Variants in KIF3C observed in about 807,000 individuals in gnomAD.
The protein encoded by KIF3C is kinesin family member 3C.
Under a neutral mutation model 67.7 loss-of-function variants are expected in KIF3C, and 12 were observed. The ratio of observed to expected loss-of-function variants is 0.18; its 90% confidence interval spans 0.11 to 0.29. The LOEUF (loss-of-function observed/expected upper bound fraction) is 0.29, where lower values mean the gene tolerates loss of function less well. Among genes scored for constraint, KIF3C ranks in the 10% least tolerant of loss-of-function variants. KIF3C has a pLI of 1.00. For missense variants in KIF3C, 789 were observed against 1,059.6 expected (o/e 0.74, Z 3.55); for synonymous variants, 393 against 426.2 (o/e 0.92, Z 0.96).
At position 25,980,699 on chromosome 2, in the gene KIF3C, T is replaced by G. The variant is rs1336862175; in HGVS notation, c.1219A>C (p.Lys407Gln). 7 of 1,614,098 alleles carry G rather than the reference T, an allele frequency of 4.3e-6. No individual in the cohort carries two copies. Among genetic ancestry groups the G allele is most frequent in the Non-Finnish European group, 5.9e-6 (7 of 1,180,022 alleles). ...RGMLGKRPRR[K>Q]SSRRKKAVSA... ...ACGGCCTTCTTCCTGCGGCTGCTCT[T>G]CCTCCGGGGCCGCTTCCCCAGCATC... is the stretch of plus-strand genomic sequence containing the variant. The change falls in exon 1 of 8, where the codon AAG (lysine) becomes CAG (glutamine). Residue 407 changes from lysine (K) to glutamine (Q), a missense_variant. Physicochemically the swap from Lys to Gln is moderately conservative, Grantham distance 53. Around this residue, in one of 2 missense-constraint regions of KIF3C, gnomAD observed 648 missense variants for 807.8 expected, o/e 0.80. Coordinates refer to ENST00000264712, the MANE Select transcript of KIF3C (RefSeq NM_002254.8). This position sits in a 1 kb window ranked among gnomAD's most constrained non-coding sequence, Gnocchi z 7.6.
chr2:25,930,129 G>T, intron 5 of KIF3C, 66 bp from the exon 6 acceptor site: 1 of 1,291,742 alleles, frequency 7.7e-7, no homozygotes, highest in Non-Finnish European at 1.1e-6. Context: ...ACATCATGAG[G>T]ACCTAAATAT....
intron 1 of KIF3C, among the ~76,000 whole-genome samples, chr2:25,956,991 G>A (rs1329886440): frequency 1.3e-5 from 2 of 152,214 alleles, no homozygotes; most frequent in African/African-American, 2.4e-5. Context: ...AGCACAGCAG[G>A]AGCTTTGGAG....
At chr2:25,938,953 CT>C (rs1663213389) in intron 5 of KIF3C, among the ~76,000 whole-genome samples, 1 of 152,040 alleles carries the variant, frequency 6.6e-6, no homozygotes, top group African/African-American at 2.4e-5. Context: ...TCTTTCCTGG[CT>C]GTTTGATCAC....
intron 4 of KIF3C, among the ~76,000 whole-genome samples, chr2:25,953,961 C>T (rs1303345365): frequency 2.0e-5 from 3 of 152,314 alleles, no homozygotes; most frequent in Non-Finnish European, 4.4e-5. Context: ...GCCACTGCGC[C>T]CGGCCCTAAA....
chr2:25,955,716 G>C lies in KIF3C; in HGVS notation c.1648-53C>G. The C allele has an allele frequency of 1.2e-6, 2 of 1,601,886 alleles. No homozygotes were observed. Among genetic ancestry groups the C allele is most frequent in the Non-Finnish European group, 1.7e-6 (2 of 1,171,844 alleles). ...AAAGGAGCAGTGCATACTCGGGAGG[G>C]CCAGGAAAGCTCAGGGGACTGGCTC... On this transcript the variant is annotated intron_variant, in intron 2 of 7. Transcript: ENST00000264712. The surrounding 1 kb of genome is among the most constrained non-coding windows in gnomAD (Gnocchi z 5.0).
chr2:25,981,693 G>A lies in KIF3C; in HGVS notation c.225C>T (p.Asp75=), dbSNP rs1168449969. The change falls in exon 1 of 8, where the codon GAC becomes GAT. Residue 75 remains aspartate, a synonymous_variant. Coordinates refer to ENST00000264712, the MANE Select transcript of KIF3C (RefSeq NM_002254.8). This position sits in a 1 kb window ranked among gnomAD's most constrained non-coding sequence, Gnocchi z 8.2. ...AGTCTATCAGGGGCCTCACGGTTTC[G>A]TCATACAGGTCGGCCTGCTTGGAGC... ...DASSKQADLY[D]ETVRPLIDSV... The A allele has an allele frequency of 6.2e-7, 1 of 1,613,958 alleles. No individual in the cohort carries two copies. Among genetic ancestry groups the A allele is most frequent in the South Asian group, 1.1e-5 (1 of 91,070 alleles).
intron 4 of KIF3C, among the ~76,000 whole-genome samples, chr2:25,953,674 T>TG (rs1663713451): frequency 1.1e-5 from 1 of 93,608 alleles, no homozygotes; most frequent in African/African-American, 5.0e-5. Flanking sequence ...TTGTTTTTGT[T>TG]TTTTTTTTTT....
chr2:25,938,420 A>C (rs1308135746), intron 5 of KIF3C: 5 of 367,122 alleles, frequency 1.4e-5, no homozygotes, highest in Non-Finnish European at 2.7e-5. Context: ...TCTATGCCAC[A>C]GGGTGGGGGT....
At position 25,981,075 on chromosome 2, in the gene KIF3C, A is replaced by G; in HGVS notation, c.843T>C (p.Gly281=). 4 of 1,614,024 alleles carry G rather than the reference A, an allele frequency of 2.5e-6. No individual in the cohort carries two copies. The highest frequency in any genetic ancestry group is 3.4e-6 in the Non-Finnish European group (4 of 1,179,978). Residue 281 remains glycine (G), a synonymous_variant, in exon 1 of 8, where the codon GGT becomes GGC. Coordinates refer to ENST00000264712, the MANE Select transcript of KIF3C (RefSeq NM_002254.8). The surrounding 1 kb of genome is among the most constrained non-coding windows in gnomAD (Gnocchi z 8.2). ...CTTCCTTAGGCCTCTCTCCACCAGC[A>G]CCACCACCACTGCCTCCACCGCCAC... ...GGGGGGGSGG[G]AGGERPKEAS...
chr2:25,942,414 A>AG lies in KIF3C; in HGVS notation c.2006+9374_2006+9375insC, dbSNP rs938924820. On this transcript the variant is annotated intron_variant, in intron 5 of 7. Transcript: ENST00000264712. ...ATTGCTAGACCTAGTTGCAAAAAAA[A>AG]ATTTTTTTTTTTTGAGATGGAGTTT... is the stretch of plus-strand genomic sequence containing the variant. 3.3e-3 allele frequency among the ~76,000 whole-genome samples: 502 copies of AG among 150,822 alleles called. 2 individuals are homozygous for AG. Among genetic ancestry groups the AG allele is most frequent in the African/African-American group, 0.012 (482 of 41,106 alleles).
At chr2:25,964,387 C>T (rs1388311070) in intron 1 of KIF3C, among the ~76,000 whole-genome samples, 1 of 150,072 alleles carries the variant, frequency 6.7e-6, no homozygotes, top group African/African-American at 2.5e-5. Context: ...ATTCTCCATA[C>T]CTTTAAGGTG....
chr2:25,939,581 A>T (rs1226007578), intron 5 of KIF3C, among the ~76,000 whole-genome samples: 1 of 152,206 alleles, frequency 6.6e-6, no homozygotes, highest in Admixed American at 6.5e-5. Context: ...TACTGGGGTG[A>T]ACTTTGCCTC....
Position 25,981,622 on chromosome 2 carries a change from G to A in KIF3C, c.296C>T (p.Thr99Met), listed in dbSNP as rs752257576. 15 of 1,614,068 alleles carry A rather than the reference G, an allele frequency of 9.3e-6. No individual in the cohort carries two copies. Among genetic ancestry groups the A allele is most frequent in the East Asian group, 2.2e-5 (1 of 44,886 alleles). The change falls in exon 1 of 8, where the codon ACG becomes ATG. Residue 99 changes from threonine to methionine, a missense_variant. Thr to Met is a moderately conservative substitution (Grantham distance 81). Coordinates refer to ENST00000264712, the MANE Select transcript of KIF3C (RefSeq NM_002254.8). This position sits in a 1 kb window ranked among gnomAD's most constrained non-coding sequence, Gnocchi z 8.2. ...CATGGTATAGGTCTTGCCAGTGCCC[G>A]TCTGGCCATAGGCAAACACCGTGCC... ...FNGTVFAYGQ[T>M]GTGKTYTMQG...
Position 25,981,993 on chromosome 2 carries a change from G to T in KIF3C, c.-76C>A. 8.0e-7 allele frequency: 1 copy of T among 1,249,630 alleles called. No homozygotes were observed. The highest frequency in any genetic ancestry group is 1.1e-6 in the Non-Finnish European group (1 of 919,698). 77.4% of individuals were successfully genotyped at this position (1,249,630 alleles called of 1,614,324 possible). A position where few individuals can be genotyped will look rare whatever the true frequency, so the allele number is the denominator to read the frequency against. On this transcript the variant is annotated 5_prime_UTR_variant, in exon 1 of 8. Coordinates refer to ENST00000264712, the MANE Select transcript of KIF3C (RefSeq NM_002254.8). The surrounding 1 kb of genome is among the most constrained non-coding windows in gnomAD (Gnocchi z 8.2). The stretch of plus-strand genomic sequence containing the variant: ...CCTGCTATCCTGCTCGCTAGGTCGG[G>T]ATCAGCGGGGCCGGCCCAGCCCCCA...
chr2:25,980,421 G>T lies in KIF3C; in HGVS notation c.1497C>A (p.Asp499Glu), dbSNP rs747709986. Residue 499 changes from aspartate to glutamate, a missense_variant, in exon 1 of 8, where the codon GAC (aspartate) becomes GAA (glutamate). Around this residue, in one of 2 missense-constraint regions of KIF3C, gnomAD observed 648 missense variants for 807.8 expected, o/e 0.80. Coordinates refer to ENST00000264712, the MANE Select transcript of KIF3C (RefSeq NM_002254.8). This position sits in a 1 kb window ranked among gnomAD's most constrained non-coding sequence, Gnocchi z 7.6. ...LLEEKEKMLE[D>E]LRREQQATEL... ...CTGTGGCCTGCTGTTCCCGCCGCAG[G>T]TCCTCCAGCATCTTCTCCTTCTCCT... 5 of 1,614,060 alleles carry T rather than the reference G, an allele frequency of 3.1e-6. No homozygotes were observed. The highest frequency in any genetic ancestry group is 3.3e-4 in the Middle Eastern group (2 of 6,062).
chr2:25,981,641 C>A lies in KIF3C; in HGVS notation c.277G>T (p.Val93Leu). Reference protein sequence around the residue: ...DSVLQGFNGTVFAYGQTGTGK... With the variant: ...DSVLQGFNGTLFAYGQTGTGK... Reference sequence around the variant, plus strand: ...GTGCCCGTCTGGCCATAGGCAAACACCGTGCCATTGAAACCCTGGAGCACG... The same window carrying A: ...GTGCCCGTCTGGCCATAGGCAAACAACGTGCCATTGAAACCCTGGAGCACG... The change falls in exon 1 of 8, where the codon GTG (valine) becomes TTG (leucine). Residue 93 changes from valine (V) to leucine (L), a missense_variant. Val to Leu is a conservative substitution (Grantham distance 32). This residue lies in a region of KIF3C where 141 missense variants were observed against 251.8 expected (regional missense o/e 0.56). Transcript: ENST00000264712. The surrounding 1 kb of genome is among the most constrained non-coding windows in gnomAD (Gnocchi z 8.2). The A allele has an allele frequency of 6.2e-7, 1 of 1,614,194 alleles. No homozygotes were observed. Among genetic ancestry groups the A allele is most frequent in the Non-Finnish European group, 8.5e-7 (1 of 1,180,056 alleles).
chr2:25,978,293 TA>T (rs1307431786), intron 1 of KIF3C, among the ~76,000 whole-genome samples: 1 of 152,162 alleles, frequency 6.6e-6, no homozygotes, highest in African/African-American at 2.4e-5. Flanking sequence ...GAAATAATAG[TA>T]CCCACCCCTT....
At chr2:25,940,332 A>G (rs1207999797) in intron 5 of KIF3C, among the ~76,000 whole-genome samples, 1 of 152,026 alleles carries the variant, frequency 6.6e-6, no homozygotes, top group African/African-American at 2.4e-5. Flanking sequence ...GCAGTTTGGG[A>G]GGCTGAGGCG....
Position 25,957,975 on chromosome 2 carries a change from C to T in KIF3C, c.1546-1531G>A, listed in dbSNP as rs1559554044. On this transcript the variant is annotated intron_variant, in intron 1 of 7. Transcript: ENST00000264712. ...ACAGACCTAAACCCATCCTAGGCTC[C>T]TCCTTCACACTCCAGGTCAGCATTT... 3.3e-5 allele frequency among the ~76,000 whole-genome samples: 5 copies of T among 152,196 alleles called. No homozygotes were observed. The East Asian group carries it at 9.6e-4, about 29-fold the overall frequency.
Sources: gnomAD v4.1 joint callset for allele counts (sites outside exome capture counted in the v4.1 genomes callset) on GRCh38, gnomAD v4.1.1 for gene constraint, gnomAD v4.1.1 regional missense constraint, Gnocchi (gnomAD v3.1) non-coding constraint, MANE v1.5 for transcripts, NCBI Gene and HGNC (gene_info 2026-07-23, HGNC 2026-07-21) for gene names.